Variants in DHX29 observed in about 807,000 individuals in gnomAD.
DHX29 encodes ATP-dependent RNA helicase DHX29.
Under a neutral mutation model 167.9 loss-of-function variants are expected in DHX29, and 79 were observed. The observed-to-expected ratio is 0.47, with a 90% confidence interval of 0.39 to 0.57. The LOEUF (loss-of-function observed/expected upper bound fraction) is 0.57, where lower values mean the gene tolerates loss of function less well. Among genes scored for constraint, DHX29 ranks in the 20% least tolerant of loss-of-function variants. DHX29 has a pLI of 0.00. For missense variants in DHX29, 1,347 were observed against 1,593.4 expected (o/e 0.85, Z 2.63); for synonymous variants, 530 against 546.0 (o/e 0.97, Z 0.41).
Position 55,289,356 on chromosome 5 carries a change from T to C in DHX29, c.980A>G (p.Lys327Arg), listed in dbSNP as rs1747914786. Residue 327 changes from lysine to arginine, a missense_variant, in exon 8 of 27, where the codon AAA becomes AGA. Coordinates refer to ENST00000251636, the MANE Select transcript of DHX29 (RefSeq NM_019030.4). ...MKISHQQNER[K>R]KPPVATEGES... ...TCCTTCTGTGGCTACAGGAGGCTTT[T>C]TCCTTTCATTTTGTTGATGTGAAAT... is the stretch of plus-strand genomic sequence containing the variant. 3.1e-6 allele frequency: 5 copies of C among 1,601,416 alleles called. No homozygotes were observed. The highest frequency in any genetic ancestry group is 4.3e-6 in the Non-Finnish European group (5 of 1,176,024).
In DHX29 at chr5:55,267,782, G is replaced by A. The variant is rs1449889607; in HGVS notation, c.3335C>T (p.Thr1112Ile). The stretch of plus-strand genomic sequence containing the variant: ...TTCATCTTTTCGACCAATTGGTGTG[G>A]TAAAAGGAGACTTCTCTGTCATAAC... ...AAVMTEKSPF[T>I]TPIGRKDEAD... Residue 1112 changes from threonine to isoleucine, a missense_variant, in exon 22 of 27, where the codon ACC (threonine) becomes ATC (isoleucine). Thr to Ile is a moderately conservative substitution (Grantham distance 89). Transcript: ENST00000251636. The A allele has an allele frequency of 6.2e-7, 1 of 1,605,922 alleles. No homozygotes were observed.
intron 14 of DHX29, among the ~76,000 whole-genome samples, chr5:55,275,652 G>C (rs555143834): frequency 2.6e-4 from 39 of 152,168 alleles, no homozygotes; most frequent in African/African-American, 9.4e-4. Flanking sequence ...GGATAACATT[G>C]TTTTTGTGAT....
intron 8 of DHX29, 127 bp downstream of exon 8, chr5:55,289,143 T>A (rs1747900560): frequency 1.9e-6 from 2 of 1,057,736 alleles, no homozygotes; most frequent in Middle Eastern, 3.2e-4. Context: ...AGACAGCTTA[T>A]AAAGTGTAAC....
chr5:55,273,237 CCATCATAAAATACTCT>C, intron 17 of DHX29, 40 bp downstream of exon 17: 1 of 1,488,034 alleles, frequency 6.7e-7, no homozygotes, highest in Non-Finnish European at 9.0e-7. Context: ...AGTTATACGG[CCATCATAAAATACTCT>C]CAGGTGGATC....
At chr5:55,303,374 T>C (rs1748703386) in intron 1 of DHX29, among the ~76,000 whole-genome samples, 1 of 152,168 alleles carries the variant, frequency 6.6e-6, no homozygotes, top group Non-Finnish European at 1.5e-5. Context: ...GCTTATATTC[T>C]GGAACAGTAA....
chr5:55,278,009 C>A (rs1290140589), intron 12 of DHX29, among the ~76,000 whole-genome samples: 4 of 151,774 alleles, frequency 2.6e-5, no homozygotes, highest in African/African-American at 9.7e-5. Flanking sequence ...TATACTGTCA[C>A]CATTACAAGA....
chr5:55,257,250 CA>C (rs1746097563), intron 26 of DHX29, among the ~76,000 whole-genome samples: 1 of 152,128 alleles, frequency 6.6e-6, no homozygotes, highest in Non-Finnish European at 1.5e-5. Context: ...TTACAATTAT[CA>C]GGGCTGCAAA....
rs991122737 is a variant in DHX29 at position 55,263,065 on chromosome 5, A to T, written c.3526-133T>A. On this transcript the variant is annotated intron_variant, in intron 23 of 26. Transcript: ENST00000251636. ...ATGATTATTTGGCTAACGATAGCCC[A>T]AATTACCTTAGGGAAAAAAAAAAGA... 83 of 671,678 alleles carry T rather than the reference A, an allele frequency of 1.2e-4. 1 individual carries two copies. Among genetic ancestry groups the T allele is most frequent in the Non-Finnish European group, 9.9e-6 (4 of 406,042 alleles). 41.6% of individuals were successfully genotyped at this position (671,678 alleles called of 1,614,324 possible).
chr5:55,269,129 C>T (rs975825573), intron 21 of DHX29, among the ~76,000 whole-genome samples: 27 of 151,286 alleles, frequency 1.8e-4, no homozygotes, highest in African/African-American at 6.6e-4. Context: ...GCCTGTAATC[C>T]CAGCTACTTG....
intron 23 of DHX29, among the ~76,000 whole-genome samples, chr5:55,263,921 A>G (rs1045461615): frequency 8.6e-5 from 13 of 151,290 alleles, no homozygotes; most frequent in African/African-American, 2.4e-4. Flanking sequence ...CAAATATGGG[A>G]AAAAAACCTT....
At chr5:55,281,639 TTTA>T in intron 11 of DHX29, 124 bp from the exon 12 acceptor site, 1 of 501,488 alleles carries the variant, frequency 2.0e-6, no homozygotes, top group Non-Finnish European at 3.3e-6. Flanking sequence ...TCTAGTACAA[TTTA>T]TTATATTAGT....
intron 14 of DHX29, 46 bp from the exon 15 acceptor site, chr5:55,275,056 T>C (rs759347261): frequency 3.1e-6 from 5 of 1,591,878 alleles, no homozygotes; most frequent in Non-Finnish European, 3.4e-6. Flanking sequence ...ATATTAAGTA[T>C]TTTTGTAAGA....
At chr5:55,262,091 A>C (rs1746339709) in intron 24 of DHX29, among the ~76,000 whole-genome samples, 1 of 152,220 alleles carries the variant, frequency 6.6e-6, no homozygotes, top group African/African-American at 2.4e-5. Flanking sequence ...CAAAATATAA[A>C]GAGAAAATGC....
At chr5:55,259,153 T>A (rs1437932378) in intron 26 of DHX29, among the ~76,000 whole-genome samples, 3 of 152,186 alleles carry the variant, frequency 2.0e-5, no homozygotes, top group Non-Finnish European at 2.9e-5. Context: ...GCTTATTATT[T>A]TTTTTTAAAT....
rs10592968 is a variant in DHX29 at position 55,281,117 on chromosome 5, TACAC to T, written c.2109+251_2109+254del. ...CCCTTTGAATAGCAATATATATATG[TACAC>T]ACACACACACACGCTATATATATAC... On this transcript the variant is annotated intron_variant, in intron 12 of 26. Transcript: ENST00000251636. 1.9e-4 allele frequency among the ~76,000 whole-genome samples: 29 copies of T among 149,966 alleles called. No individual in the cohort carries two copies. In the East Asian group the frequency reaches 5.1e-3, roughly 26 times the overall value.
intron 1 of DHX29, among the ~76,000 whole-genome samples, chr5:55,303,426 G>A (rs1748704424): frequency 6.6e-6 from 1 of 152,148 alleles, no homozygotes; most frequent in African/African-American, 2.4e-5. Context: ...GTAATAAAGG[G>A]GAAGTGCAGA....
chr5:55,267,655 C>A (rs1746644665), intron 22 of DHX29, 31 bp downstream of exon 22: 1 of 1,570,544 alleles, frequency 6.4e-7, no homozygotes, highest in East Asian at 2.3e-5. Flanking sequence ...AGGTAATTGG[C>A]TTACTGATAA....
rs189311556 is a variant in DHX29 at position 55,257,519 on chromosome 5, G to A, written c.4058-979C>T. 7.2e-5 allele frequency among the ~76,000 whole-genome samples: 11 copies of A among 152,250 alleles called. No homozygotes were observed. The East Asian group carries it at 1.9e-3, about 27-fold the overall frequency. ...AGCTCACTGCAGCTCTGAACTCCTG[G>A]GCTCAAGCAATCTTCCCATCTCAGC... On this transcript the variant is annotated intron_variant, in intron 26 of 26. Coordinates refer to ENST00000251636, the MANE Select transcript of DHX29 (RefSeq NM_019030.4).
intron 23 of DHX29, among the ~76,000 whole-genome samples, chr5:55,266,152 T>G (rs1258589552): frequency 2.0e-5 from 3 of 150,728 alleles, no homozygotes; most frequent in African/African-American, 7.3e-5. Context: ...GTGCCCGCCA[T>G]CACACCTGGC....
Sources: gnomAD v4.1 joint callset for allele counts (sites outside exome capture counted in the v4.1 genomes callset) on GRCh38, gnomAD v4.1.1 for gene constraint, MANE v1.5 for transcripts, NCBI Gene and HGNC (gene_info 2026-07-23, HGNC 2026-07-21) for gene names.